The following NEB variants were observed in gnomAD, a reference collection of about 807,000 sequenced individuals.
NEB encodes nemaline myopathy type 2.
NEB carries 512 observed loss-of-function variants against 952.2 expected under a neutral mutation model. That is an observed-to-expected ratio of 0.54 (90% CI 0.50 to 0.58). NEB has a LOEUF of 0.58. NEB is among the 20% of genes least tolerant of loss of function. The pLI is 0.00. For synonymous variants in NEB, 2,900 were observed against 3,149.8 expected (o/e 0.92, Z 2.66); for missense variants, 8,428 against 9,231.1 (o/e 0.91, Z 3.56).
Position 151,633,780 on chromosome 2 carries a change from C to A in NEB, c.9288G>T (p.Val3096=). ...FSSPVDMLGV[V]LAKKCQTLVS... Reference sequence around the variant, plus strand: ...CTAAGGTCTGGCACTTCTTGGCCAGCACCACCCCCAGCATGTCCACTGGGC... The same window carrying A: ...CTAAGGTCTGGCACTTCTTGGCCAGAACCACCCCCAGCATGTCCACTGGGC... Residue 3096 remains valine, a synonymous_variant, in exon 65 of 182, where the codon GTG becomes GTT. Transcript: ENST00000397345. The A allele has an allele frequency of 6.2e-7, 1 of 1,613,930 alleles. No homozygotes were observed. Among genetic ancestry groups the A allele is most frequent in the East Asian group, 2.2e-5 (1 of 44,876 alleles).
rs1553520266 is a variant in NEB at position 151,490,454 on chromosome 2, AC to A, written c.25214del (p.Gly8405ValfsTer90). On this transcript the variant is annotated frameshift_variant, in exon 180 of 182. Coordinates refer to ENST00000397345, the MANE Select transcript of NEB (RefSeq NM_001164508.2). LOFTEE classifies it high-confidence loss of function. Reference sequence around the variant, plus strand: ...CTTCTGAATGCTCAGACTTCTCCTCACCCCCACTGATGCTTAGTGCACTGGC... The same window carrying A: ...CTTCTGAATGCTCAGACTTCTCCTCACCCCACTGATGCTTAGTGCACTGGC... The part of the protein sequence containing the change: ...RSASALSISG[G>X]EEKSEHSEAP... 2.5e-6 allele frequency: 4 copies of A among 1,606,360 alleles called. No homozygotes were observed. Among genetic ancestry groups the A allele is most frequent in the Non-Finnish European group, 3.4e-6 (4 of 1,176,568 alleles).
chr2:151,732,997 A>G, intron 3 of NEB, 124 bp downstream of exon 3: 1 of 797,060 alleles, frequency 1.3e-6, no homozygotes, highest in Non-Finnish European at 2.0e-6. Flanking sequence ...CTTATGCTTT[A>G]AATGATGACT....
At chr2:151,707,088 T>G in intron 12 of NEB, 91 bp from the exon 13 acceptor site, 2 of 786,460 alleles carry the variant, frequency 2.5e-6, no homozygotes, top group Non-Finnish European at 4.0e-6. Context: ...CACAAATCAA[T>G]TTTCTCTTTA....
At chr2:151,712,397 A>C (rs1033500980) in intron 10 of NEB, among the ~76,000 whole-genome samples, 5 of 152,206 alleles carry the variant, frequency 3.3e-5, no homozygotes, top group Admixed American at 3.3e-4. Flanking sequence ...TCACAGTGAG[A>C]GATAGATGTC....
chr2:151,692,716 T>G (rs1292295251), intron 20 of NEB, among the ~76,000 whole-genome samples: 1 of 152,202 alleles, frequency 6.6e-6, no homozygotes, highest in South Asian at 2.1e-4. Flanking sequence ...ACACCTGTCA[T>G]CACAGCACTT....
At chr2:151,731,510 A>T (rs75272311) in intron 3 of NEB, among the ~76,000 whole-genome samples, 1,954 of 152,232 alleles carry the variant, frequency 0.013, 23 homozygotes, top group Middle Eastern at 0.031. Flanking sequence ...CGAATGCACC[A>T]CCCTCTTATG....
chr2:151,639,400 C>T lies in NEB; in HGVS notation c.8890-16G>A. 4.0e-6 allele frequency: 6 copies of T among 1,499,902 alleles called. No homozygotes were observed. The highest frequency in any genetic ancestry group is 5.3e-6 in the Non-Finnish European group (6 of 1,121,614). The allele number at this position is 1,499,902 out of a possible 1,614,324, so 92.9% of individuals were successfully genotyped here. On this transcript the variant is annotated splice_polypyrimidine_tract_variant and intron_variant, in intron 62 of 181. Transcript: ENST00000397345. The stretch of plus-strand genomic sequence containing the variant: ...TGTATAAACGCTATCAAAAAAAATA[C>T]ACAAATTCATCAGGAAAAAAGTTCT...
chr2:151,728,654 C>A (rs2099797716), intron 4 of NEB, among the ~76,000 whole-genome samples: 1 of 152,056 alleles, frequency 6.6e-6, no homozygotes, highest in Non-Finnish European at 1.5e-5. Flanking sequence ...GACACTAAGA[C>A]CCAAAGTTTG....
intron 64 of NEB, 133 bp from the exon 65 acceptor site, chr2:151,634,098 G>A: frequency 9.4e-7 from 1 of 1,069,122 alleles, no homozygotes; most frequent in Non-Finnish European, 1.3e-6. Flanking sequence ...CAGTATCCTG[G>A]CTTTCATCCT....
chr2:151,619,230 C>G (rs529870670), intron 73 of NEB, among the ~76,000 whole-genome samples: 5 of 152,274 alleles, frequency 3.3e-5, no homozygotes, highest in Admixed American at 1.3e-4. Flanking sequence ...AGATTTATAC[C>G]TGTTTAGAAC....
chr2:151,622,442 T>C (rs905999064), intron 71 of NEB, among the ~76,000 whole-genome samples: 11 of 152,234 alleles, frequency 7.2e-5, no homozygotes, highest in African/African-American at 2.4e-4. Flanking sequence ...TATTTTAAAA[T>C]GTATACTTTC....
intron 146 of NEB, 105 bp from the exon 147 acceptor site, chr2:151,527,690 T>A: frequency 1.3e-6 from 1 of 757,010 alleles, no homozygotes; most frequent in Non-Finnish European, 2.2e-6. Context: ...TCTCAAATCA[T>A]GATTCCTAAT....
chr2:151,610,112 G>T lies in NEB; in HGVS notation c.12027C>A (p.Tyr4009Ter). Residue 4009 changes from tyrosine to a stop codon, truncating the protein, a stop_gained, in exon 81 of 182, where the codon TAC (tyrosine) becomes TAA (stop). Transcript: ENST00000397345. LOFTEE classifies it high-confidence loss of function. ...ASRDIASDYKYKEAYEKQKGH... is the reference protein window; with the variant it reads ...ASRDIASDYK ...CTTTCTGTTTCTCATAGGCTTCCTT[G>T]TATTTGTACTAAAATGCCAGAAATA... 6.2e-7 allele frequency: 1 copy of T among 1,606,364 alleles called. No homozygotes were observed.
chr2:151,569,624 G>A (rs913923723), intron 109 of NEB, among the ~76,000 whole-genome samples: 3 of 152,116 alleles, frequency 2.0e-5, no homozygotes, highest in East Asian at 1.9e-4. Flanking sequence ...GGATAATTCA[G>A]AGCTGTGTCC....
chr2:151,518,445 G>C (rs2079507228), intron 155 of NEB, 23 bp from the exon 156 acceptor site: 1 of 1,440,598 alleles, frequency 6.9e-7, no homozygotes, highest in African/African-American at 1.4e-5. Flanking sequence ...CGGCAAAAAA[G>C]GCACATTGAT....
intron 81 of NEB, 95 bp from the exon 82 acceptor site, chr2:151,608,771 C>T (rs1224119610): frequency 4.1e-5 from 4 of 96,664 alleles, no homozygotes; most frequent in Non-Finnish European, 6.8e-5. Context: ...GGCATGGTGG[C>T]GCATGCCTGT....
At position 151,568,162 on chromosome 2, in the gene NEB, C is replaced by G; in HGVS notation, c.17753G>C (p.Gly5918Ala). ...RILDQYLYKE[G>A]WERQKATGYI... Reference sequence around the variant, plus strand: ...ACCTGTGGCTTTTTGTCTCTCCCAGCCTTCCTTGTAGAGATACTGAAAGAC... The same window carrying G: ...ACCTGTGGCTTTTTGTCTCTCCCAGGCTTCCTTGTAGAGATACTGAAAGAC... The change falls in exon 113 of 182, where the codon GGC (glycine) becomes GCC (alanine). Residue 5918 changes from glycine (G) to alanine (A), a missense_variant. This residue lies in a region of NEB where 3,374 missense variants were observed against 3,651.5 expected (regional missense o/e 0.92). Coordinates refer to ENST00000397345, the MANE Select transcript of NEB (RefSeq NM_001164508.2). 1.2e-6 allele frequency: 2 copies of G among 1,613,308 alleles called. No homozygotes were observed. The highest frequency in any genetic ancestry group is 1.7e-6 in the Non-Finnish European group (2 of 1,179,604).
rs545535063 is a variant in NEB at position 151,733,773 on chromosome 2, G to C, written c.-91C>G. ...TTGGCTTATACAGACTTTTTCTTTC[G>C]TTTCTGTAGCTCTCGTTCAAACCTG... On this transcript the variant is annotated 5_prime_UTR_variant, in exon 2 of 182. Transcript: ENST00000397345. 6.6e-6 allele frequency: 1 copy of C among 152,114 alleles called. No homozygotes were observed. Among genetic ancestry groups the C allele is most frequent in the Non-Finnish European group, 1.5e-5 (1 of 68,014 alleles). The allele number at this position is 152,114 out of a possible 1,614,324, so 9.4% of individuals were successfully genotyped here.
At chr2:151,703,896 C>A (rs2149691038) in intron 13 of NEB, among the ~76,000 whole-genome samples, 1 of 134,888 alleles carries the variant, frequency 7.4e-6, no homozygotes, top group Admixed American at 8.0e-5. Context: ...TATTCCGTTG[C>A]TGGTGAGGAA....
Sources: allele counts gnomAD v4.1 joint callset (sites outside exome capture counted in the v4.1 genomes callset), GRCh38; gene constraint gnomAD v4.1.1; regional missense constraint gnomAD v4.1.1; transcripts MANE v1.5; gene names NCBI Gene and HGNC (gene_info 2026-07-23, HGNC 2026-07-21).